The following UNC13A variants were observed in gnomAD, a reference collection of about 807,000 sequenced individuals.
UNC13A encodes the protein protein unc-13 homolog A.
A neutral mutation model predicts 219.7 loss-of-function variants in UNC13A; 61 were observed. The observed-to-expected ratio is 0.28, with a 90% CI of 0.23 to 0.34. The LOEUF (loss-of-function observed/expected upper bound fraction) is 0.34. Among genes scored for constraint, UNC13A ranks in the 10% least tolerant of loss-of-function variants. UNC13A has a pLI of 1.00. For synonymous variants in UNC13A, 920 were observed against 884.6 expected (o/e 1.04, Z -0.71); for missense variants, 1,476 against 2,270.3 (o/e 0.65, Z 7.11).
chr19:17,632,859 G>A lies in UNC13A; in HGVS notation c.3351C>T (p.His1117=), dbSNP rs2076871575. 1 of 1,613,888 alleles carries A rather than the reference G, an allele frequency of 6.2e-7. No homozygotes were observed. The highest frequency in any genetic ancestry group is 8.5e-7 in the Non-Finnish European group (1 of 1,179,906). The change falls in exon 28 of 44, where the codon CAC becomes CAT. Residue 1117 remains histidine, a synonymous_variant. Coordinates refer to ENST00000519716, the MANE Select transcript of UNC13A (RefSeq NM_001080421.3). ...LCKSADYMNL[H]FKVKWLYNEY... is the part of the protein sequence containing the mutation. ...CATTGTAGAGCCATTTCACCTTGAA[G>A]TGGAGGTTCATGTAGTCGGCACTCT...
chr19:17,661,431 C>T (rs1299367545), intron 8 of UNC13A, among the ~76,000 whole-genome samples: 1 of 152,054 alleles, frequency 6.6e-6, no homozygotes, highest in Non-Finnish European at 1.5e-5. Context: ...TGGTAGCTCA[C>T]ACCTATAATC....
chr19:17,628,884 TCACA>T (rs1295279316), intron 31 of UNC13A, among the ~76,000 whole-genome samples: 2 of 151,158 alleles, frequency 1.3e-5, no homozygotes, highest in African/African-American at 2.4e-5. Flanking sequence ...ACAGTTGGAC[TCACA>T]CACACATTCA....
chr19:17,641,003 C>A (rs753040813), intron 21 of UNC13A, among the ~76,000 whole-genome samples: 4 of 151,772 alleles, frequency 2.6e-5, no homozygotes, highest in African/African-American at 9.7e-5. Context: ...CCTAACTTCC[C>A]GAGTAGCTGG....
At chr19:17,678,454 T>C (rs911563842) in intron 1 of UNC13A, among the ~76,000 whole-genome samples, 1 of 152,120 alleles carries the variant, frequency 6.6e-6, no homozygotes, top group Non-Finnish European at 1.5e-5. Context: ...ACTGCAGCCC[T>C]TGGGTGGGCC....
intron 34 of UNC13A, among the ~76,000 whole-genome samples, chr19:17,625,813 C>T (rs1015590495): frequency 2.0e-5 from 3 of 150,848 alleles, no homozygotes; most frequent in African/African-American, 7.3e-5. Flanking sequence ...CAGCATCCAT[C>T]CATCTACCCA....
chr19:17,686,979 C>T (rs2145943702), intron 1 of UNC13A, among the ~76,000 whole-genome samples: 1 of 152,294 alleles, frequency 6.6e-6, no homozygotes, highest in Admixed American at 6.5e-5. Context: ...ACCCCTTCCC[C>T]CACCCCAGCC....
intron 41 of UNC13A, 87 bp downstream of exon 41, chr19:17,617,615 G>A (rs2076680768): frequency 6.4e-7 from 1 of 1,555,462 alleles, no homozygotes. Flanking sequence ...GACGTCACAG[G>A]GGAGTGAGCC....
At chr19:17,630,023 C>T (rs1159632774) in intron 30 of UNC13A, 122 bp downstream of exon 30, 1 of 1,172,508 alleles carries the variant, frequency 8.5e-7, no homozygotes, top group Non-Finnish European at 1.2e-6. Context: ...AACTTCAATC[C>T]CAACCTCAAT....
chr19:17,673,712 A>G (rs1568272303), intron 3 of UNC13A, among the ~76,000 whole-genome samples: 1 of 150,176 alleles, frequency 6.7e-6, no homozygotes, highest in Non-Finnish European at 1.5e-5. Context: ...CAAAAAAAAA[A>G]GGAAAAAAAT....
At position 17,606,043 on chromosome 19, in the gene UNC13A, G is replaced by C. The variant is rs959352988; in HGVS notation, c.*11C>G. On this transcript the variant is annotated 3_prime_UTR_variant, in exon 44 of 44. Transcript: ENST00000519716. ...CGCGCAGGCGCAGTGCCGCTCGGCC[G>C]ACCGCCCGCGCTAAGGCGCAGGCGC... 6.7e-7 allele frequency: 1 copy of C among 1,499,584 alleles called. No individual in the cohort carries two copies. 92.9% of individuals were successfully genotyped at this position (1,499,584 alleles called of 1,614,324 possible). A position where few individuals can be genotyped will look rare whatever the true frequency, so the allele number is the denominator to read the frequency against.
rs1437141839 is a variant in UNC13A, at chr19:17,630,654, C to T, written c.3525G>A (p.Gly1175=). 11 of 1,613,756 alleles carry T rather than the reference C, an allele frequency of 6.8e-6. No homozygotes were observed. The highest frequency in any genetic ancestry group is 8.5e-7 in the Non-Finnish European group (1 of 1,179,852). The part of the protein sequence containing the change: ...HGALERDKKD[G]FQQTSEHALF... The stretch of plus-strand genomic sequence containing the variant: ...CTTGGTTGTGGGTGGGCCTTCTTAC[C>T]CCATCCTTCTTGTCTCGCTCCAGGG... The change falls in exon 29 of 44, where the codon GGG becomes GGA. Residue 1175 remains glycine (G), a splice_region_variant and synonymous_variant. Coordinates refer to ENST00000519716, the MANE Select transcript of UNC13A (RefSeq NM_001080421.3).
intron 1 of UNC13A, among the ~76,000 whole-genome samples, chr19:17,681,037 C>G (rs8105037): frequency 0.076 from 11,020 of 145,558 alleles, 541 homozygotes; most frequent in African/African-American, 0.13. Flanking sequence ...GTAGCTGAGA[C>G]TGCAGGTGCG....
chr19:17,656,127 C>T lies in UNC13A; in HGVS notation c.1039G>A (p.Glu347Lys). 6.5e-7 allele frequency: 1 copy of T among 1,548,628 alleles called. No homozygotes were observed. Among genetic ancestry groups the T allele is most frequent in the South Asian group, 1.2e-5 (1 of 83,954 alleles). Residue 347 changes from glutamate (E) to lysine (K), a missense_variant, in exon 10 of 44, where the codon GAG becomes AAG. This residue lies in a region of UNC13A where 351 missense variants were observed against 342.6 expected (regional missense o/e 1.02). Transcript: ENST00000519716. ...AAATCGTCAGGCACCTCCTCCTCCT[C>T]CTCCTCCAGCTCCTCCTCATCTTCA... ...LPEDEEELEE[E>K]EEEVPDDLGS...
chr19:17,653,731 G>A (rs1479934529), intron 11 of UNC13A, among the ~76,000 whole-genome samples: 1 of 151,744 alleles, frequency 6.6e-6, no homozygotes, highest in Non-Finnish European at 1.5e-5. Context: ...GAGTGCAAGT[G>A]AGCCTCCCGC....
At chr19:17,619,296 G>A (rs1475771392) in intron 38 of UNC13A, among the ~76,000 whole-genome samples, 1 of 152,146 alleles carries the variant, frequency 6.6e-6, no homozygotes, top group African/African-American at 2.4e-5. Flanking sequence ...TCCAGGGAAA[G>A]GGAGCTTTGG....
intron 1 of UNC13A, among the ~76,000 whole-genome samples, chr19:17,683,829 C>T (rs2080062985): frequency 6.6e-6 from 1 of 152,128 alleles, no homozygotes; most frequent in South Asian, 2.1e-4. Context: ...TGGCTCACAC[C>T]TGTAATCCTA....
At position 17,605,908 on chromosome 19, in the gene UNC13A, TGAGTCAAGGGCGTAGGCGCAGC is replaced by T; in HGVS notation, c.*124_*145del. On this transcript the variant is annotated 3_prime_UTR_variant, in exon 44 of 44. Transcript: ENST00000519716. ...TTCCTAATTCCCCAAAAGGGAAAGC[TGAGTCAAGGGCGTAGGCGCAGC>T]CCACCCTTGGCGTGGAGCCCCCCGA... 1.3e-6 allele frequency: 1 copy of T among 741,496 alleles called. No individual in the cohort carries two copies. The highest frequency in any genetic ancestry group is 1.9e-6 in the Non-Finnish European group (1 of 514,668). The allele number at this position is 741,496 out of a possible 1,614,324, so 45.9% of individuals were successfully genotyped here. A position where few individuals can be genotyped will look rare whatever the true frequency, so the allele number is the denominator to read the frequency against.
intron 1 of UNC13A, among the ~76,000 whole-genome samples, chr19:17,682,338 A>T (rs1313797537): frequency 6.6e-6 from 1 of 152,160 alleles, no homozygotes; most frequent in Non-Finnish European, 1.5e-5. Context: ...TGCAAGCCTC[A>T]TTAGAGAGTT....
Position 17,604,508 on chromosome 19 carries a change from C to T in UNC13A, c.*1546G>A, listed in dbSNP as rs1404233123. On this transcript the variant is annotated 3_prime_UTR_variant, in exon 44 of 44. Transcript: ENST00000519716. ...AGTGGTTCCCTCTCATTCTTCACCT[C>T]GGAAAGCCTCCCCATCTGATGTTCT... 2 of 152,286 alleles carry T rather than the reference C, an allele frequency of 1.3e-5. No homozygotes were observed. Among genetic ancestry groups the T allele is most frequent in the Non-Finnish European group, 2.9e-5 (2 of 68,100 alleles). The allele number at this position is 152,286 out of a possible 1,614,324, so 9.4% of individuals were successfully genotyped here.
Sources: gnomAD v4.1 joint callset for allele counts (sites outside exome capture counted in the v4.1 genomes callset) on GRCh38, gnomAD v4.1.1 for gene constraint, gnomAD v4.1.1 regional missense constraint, MANE v1.5 for transcripts, NCBI Gene and HGNC (gene_info 2026-07-23, HGNC 2026-07-21) for gene names.